Variants in PCDH9 observed in about 807,000 individuals in gnomAD.
The protein encoded by PCDH9 is protocadherin-9.
Under a neutral mutation model 70.6 loss-of-function variants are expected in PCDH9, and 24 were observed. The ratio of observed to expected loss-of-function variants is 0.34; its 90% CI spans 0.25 to 0.48. The LOEUF (loss-of-function observed/expected upper bound fraction) is 0.48, where lower values mean the gene tolerates loss of function less well. Ranked by LOEUF, PCDH9 falls within the 20% of genes least tolerant of loss-of-function variation. The pLI is 0.99. For synonymous variants in PCDH9, 562 were observed against 558.5 expected, an observed-to-expected ratio of 1.01 and a Z score of -0.09; for missense variants, 1,281 against 1,503.6, an observed-to-expected ratio of 0.85 and a Z score of 2.45.
intron 2 of PCDH9, among the ~76,000 whole-genome samples, chr13:67,124,191 T>C (rs1012041487): frequency 5.3e-5 from 8 of 152,208 alleles, no homozygotes; most frequent in Non-Finnish European, 1.5e-5. Context: ...TATGCTATAC[T>C]GCTATCAACT....
chr13:66,382,441 C>T (rs1037011882), intron 4 of PCDH9, among the ~76,000 whole-genome samples: 1 of 151,672 alleles, frequency 6.6e-6, no homozygotes, highest in African/African-American at 2.4e-5. Context: ...AAAAAGTGTC[C>T]TATTTGAAAT....
intron 2 of PCDH9, among the ~76,000 whole-genome samples, chr13:66,958,230 A>ATC (rs1428575735): frequency 6.6e-6 from 1 of 152,230 alleles, no homozygotes; most frequent in Non-Finnish European, 1.5e-5. Context: ...TCAAGAGGAT[A>ATC]ATCCTGGAGA....
chr13:66,538,960 A>T (rs1313051466), intron 4 of PCDH9, among the ~76,000 whole-genome samples: 1 of 152,108 alleles, frequency 6.6e-6, no homozygotes, highest in East Asian at 1.9e-4. Flanking sequence ...ATAGAAACAA[A>T]ACTTTAAAAT....
intron 3 of PCDH9, among the ~76,000 whole-genome samples, chr13:66,634,834 G>A (rs1023411030): frequency 6.6e-6 from 1 of 152,000 alleles, no homozygotes; most frequent in African/African-American, 2.4e-5. Context: ...TGAAATATGT[G>A]ATCCACAGAA....
chr13:66,984,918 C>G (rs1254104053), intron 2 of PCDH9, among the ~76,000 whole-genome samples: 2 of 152,038 alleles, frequency 1.3e-5, no homozygotes, highest in Non-Finnish European at 2.9e-5. Flanking sequence ...GACCCCCCAT[C>G]TCAATCTCCC....
intron 3 of PCDH9, among the ~76,000 whole-genome samples, chr13:66,793,373 C>T (rs1182083596): frequency 6.6e-6 from 1 of 151,948 alleles, no homozygotes; most frequent in Non-Finnish European, 1.5e-5. Context: ...TAGAATAAAA[C>T]AGATAGAAAA....
At chr13:66,816,857 T>TG (rs35727485) in intron 3 of PCDH9, among the ~76,000 whole-genome samples, 3 of 62,118 alleles carry the variant, frequency 4.8e-5, no homozygotes, top group East Asian at 4.5e-4. Context: ...TAAAACAAGG[T>TG]TTTTTTTTTG....
At chr13:66,438,719 T>C (rs1957921808) in intron 4 of PCDH9, among the ~76,000 whole-genome samples, 1 of 152,082 alleles carries the variant, frequency 6.6e-6, no homozygotes, top group South Asian at 2.1e-4. Flanking sequence ...AATTCAAACA[T>C]TGAAGGAGGT....
chr13:66,752,585 T>A (rs1320011773), intron 3 of PCDH9, among the ~76,000 whole-genome samples: 1 of 152,192 alleles, frequency 6.6e-6, no homozygotes, highest in Non-Finnish European at 1.5e-5. Flanking sequence ...GCATGAGCCA[T>A]GGTGGCTGGC....
intron 3 of PCDH9, among the ~76,000 whole-genome samples, chr13:66,704,023 C>A (rs1371754835): frequency 1.3e-5 from 2 of 152,092 alleles, no homozygotes; most frequent in African/African-American, 4.8e-5. Flanking sequence ...ATTATACATG[C>A]CGCGTGGTTC....
intron 2 of PCDH9, among the ~76,000 whole-genome samples, chr13:67,033,077 T>C (rs1460848382): frequency 6.6e-6 from 1 of 152,186 alleles, no homozygotes; most frequent in Non-Finnish European, 1.5e-5. Flanking sequence ...TCTATCTACT[T>C]TCTCTTGCTA....
chr13:66,862,761 T>C (rs531597693), intron 3 of PCDH9, among the ~76,000 whole-genome samples: 2 of 152,348 alleles, frequency 1.3e-5, no homozygotes, highest in South Asian at 4.1e-4. Context: ...GACTCATCAT[T>C]GTTGTGTCTA....
intron 3 of PCDH9, among the ~76,000 whole-genome samples, chr13:66,773,217 T>C (rs950769988): frequency 6.6e-6 from 1 of 152,052 alleles, no homozygotes; most frequent in African/African-American, 2.4e-5. Flanking sequence ...ACGGAAGAAA[T>C]GTTCAATGGC....
chr13:67,001,111 T>C (rs1222590124), intron 2 of PCDH9, among the ~76,000 whole-genome samples: 3 of 152,198 alleles, frequency 2.0e-5, no homozygotes, highest in Non-Finnish European at 2.9e-5. Context: ...ATAAGTTCGA[T>C]ACAGAAGTAA....
chr13:66,916,521 TA>T (rs148257720), intron 2 of PCDH9, among the ~76,000 whole-genome samples: 2,592 of 151,716 alleles, frequency 0.017, 76 homozygotes, highest in African/African-American at 0.058. Flanking sequence ...TTGGATATTC[TA>T]AAAGATCAGC....
intron 4 of PCDH9, among the ~76,000 whole-genome samples, chr13:66,377,584 C>T (rs1295287894): frequency 6.6e-6 from 1 of 152,128 alleles, no homozygotes; most frequent in Non-Finnish European, 1.5e-5. Context: ...GGTTGGCTGT[C>T]CACTGATGCA....
At position 67,225,785 on chromosome 13, in the gene PCDH9, T is replaced by C; in HGVS notation, c.2656A>G (p.Thr886Ala). 1.2e-6 allele frequency: 2 copies of C among 1,614,212 alleles called. No homozygotes were observed. The highest frequency in any genetic ancestry group is 8.5e-7 in the Non-Finnish European group (1 of 1,180,030). Residue 886 changes from threonine to alanine, a missense_variant, in exon 2 of 5, where the codon ACT becomes GCT. Coordinates refer to ENST00000377865, the MANE Select transcript of PCDH9 (RefSeq NM_203487.3). The stretch of plus-strand genomic sequence containing the variant: ...TCATCGGGTTTGGACTCTTCGATAG[T>C]AACAAAGTTCAAAAGAGAGCTTTTG... Reference protein sequence around the residue: ...SPKSSLLNFVTIEESKPDDAV... With the variant: ...SPKSSLLNFVAIEESKPDDAV...
intron 3 of PCDH9, among the ~76,000 whole-genome samples, chr13:66,849,513 T>TAGAG (rs1421579866): frequency 0.023 from 1,751 of 76,858 alleles, 36 homozygotes; most frequent in Non-Finnish European, 0.026. Flanking sequence ...TATATATATA[T>TAGAG]ATATAGAGAG....
At chr13:67,131,780 T>C (rs1266190670) in intron 2 of PCDH9, among the ~76,000 whole-genome samples, 1 of 152,216 alleles carries the variant, frequency 6.6e-6, no homozygotes, top group Non-Finnish European at 1.5e-5. Context: ...TCAATTACAA[T>C]CGGCAGCACA....
Sources: allele counts gnomAD v4.1 joint callset (sites outside exome capture counted in the v4.1 genomes callset), GRCh38; gene constraint gnomAD v4.1.1; transcripts MANE v1.5; gene names NCBI Gene and HGNC (gene_info 2026-07-23, HGNC 2026-07-21).